Variants in DPP10 observed in about 807,000 individuals in gnomAD.
DPP10 encodes inactive dipeptidyl peptidase 10.
A neutral mutation model predicts 120.9 loss-of-function variants in DPP10; 33 were observed. The ratio of observed to expected loss-of-function variants is 0.27; its 90% CI spans 0.21 to 0.37. The LOEUF is 0.37. Among genes scored for constraint, DPP10 ranks in the 10% least tolerant of loss-of-function variants. The pLI is 1.00. For synonymous variants in DPP10, 337 were observed against 326.1 expected, an observed-to-expected ratio of 1.03 and a Z score of -0.36; for missense variants, 816 against 942.8, an observed-to-expected ratio of 0.87 and a Z score of 1.76.
At chr2:114,987,867 G>T (rs772143571) in intron 1 of DPP10, among the ~76,000 whole-genome samples, 1 of 147,418 alleles carries the variant, frequency 6.8e-6, no homozygotes, top group African/African-American at 2.5e-5. Flanking sequence ...GCAGTGGCTC[G>T]ATCTCGGCTC....
chr2:115,411,571 G>C (rs2068961335), intron 3 of DPP10, among the ~76,000 whole-genome samples: 3 of 152,262 alleles, frequency 2.0e-5, no homozygotes, highest in Middle Eastern at 3.4e-3. Context: ...TTATGAGAGA[G>C]TTTCATTACG....
rs910058438 is a variant in DPP10, at chr2:115,579,999, G to T, written c.441+54027G>T. The T allele has an allele frequency of 2.0e-5, 3 of 152,194 alleles. No homozygotes were observed. In the East Asian group the frequency reaches 5.8e-4, roughly 29 times the overall value. The allele number at this position is 152,194 out of a possible 1,614,324, so 9.4% of individuals were successfully genotyped here. A position where few individuals can be genotyped will look rare whatever the true frequency, so the allele number is the denominator to read the frequency against. ...CCACTCCACCCCCTGGCAGGCCCCA[G>T]TGTGTGTTGTTCCCTCCCTGTGTCC... On this transcript the variant is annotated intron_variant, in intron 5 of 25. Coordinates refer to ENST00000410059, the MANE Select transcript of DPP10 (RefSeq NM_020868.6).
At chr2:114,715,305 A>G (rs1434671704) in intron 1 of DPP10, among the ~76,000 whole-genome samples, 6 of 152,174 alleles carry the variant, frequency 3.9e-5, no homozygotes, top group Admixed American at 1.3e-4. Context: ...TTTCTTTTGA[A>G]TGATATATAG....
rs77339614 is a variant in DPP10, at chr2:114,622,451, T to C, written c.60+179613T>C. 1.4e-3 allele frequency among the ~76,000 whole-genome samples: 214 copies of C among 151,928 alleles called. 1 individual carries two copies. The East Asian group carries it at 0.038, about 27-fold the overall frequency. On this transcript the variant is annotated intron_variant, in intron 1 of 25. Transcript: ENST00000410059. ...TTGCATTACTTTACAATTGCCTCCATGATTGCTATATCTTGTGCAGTAATA... is the reference window on the plus strand; with the variant it reads ...TTGCATTACTTTACAATTGCCTCCACGATTGCTATATCTTGTGCAGTAATA...
At chr2:115,134,614 T>C (rs1374898888) in intron 1 of DPP10, among the ~76,000 whole-genome samples, 2 of 152,028 alleles carry the variant, frequency 1.3e-5, no homozygotes, top group Non-Finnish European at 2.9e-5. Flanking sequence ...CTCCAATAGC[T>C]CAAAGTATGA....
intron 2 of DPP10, among the ~76,000 whole-genome samples, chr2:115,313,428 A>G (rs539035827): frequency 5.3e-5 from 8 of 152,164 alleles, no homozygotes; most frequent in Non-Finnish European, 1.2e-4. Flanking sequence ...AATGATAATA[A>G]TGCCTTGTTT....
chr2:115,539,643 A>G (rs1038666970), intron 5 of DPP10, among the ~76,000 whole-genome samples: 4 of 151,962 alleles, frequency 2.6e-5, no homozygotes, highest in Non-Finnish European at 5.9e-5. Context: ...TAATATGTCA[A>G]GTTTGAAATG....
Position 114,967,522 on chromosome 2 carries a change from T to C in DPP10, c.61-341717T>C, listed in dbSNP as rs531362235. On this transcript the variant is annotated intron_variant, in intron 1 of 25. Transcript: ENST00000410059. ...GGTATATCAAGATAAGTGCATGGAATTGGGGAATGGGGGACAAGGCAGGGA... is the reference window on the plus strand; with the variant it reads ...GGTATATCAAGATAAGTGCATGGAACTGGGGAATGGGGGACAAGGCAGGGA... Among the ~76,000 whole-genome samples, 368 of 152,170 alleles carry C rather than the reference T, an allele frequency of 2.4e-3. 2 individuals carry two copies. The highest frequency in any genetic ancestry group is 2.6e-3 in the Non-Finnish European group (179 of 68,002).
At chr2:115,499,995 G>C (rs1442724910) in intron 4 of DPP10, among the ~76,000 whole-genome samples, 1 of 151,580 alleles carries the variant, frequency 6.6e-6, no homozygotes, top group Non-Finnish European at 1.5e-5. Context: ...TTCTAGTTCT[G>C]TTGTTTTCTG....
chr2:114,740,187 A>G (rs1231664039), intron 1 of DPP10, among the ~76,000 whole-genome samples: 4 of 151,696 alleles, frequency 2.6e-5, no homozygotes, highest in Non-Finnish European at 5.9e-5. Context: ...ATAAAAAATG[A>G]TGAGTTCATG....
chr2:115,207,477 C>T (rs369475535), intron 1 of DPP10, among the ~76,000 whole-genome samples: 4 of 139,174 alleles, frequency 2.9e-5, no homozygotes, highest in African/African-American at 5.5e-5. Flanking sequence ...ATTTTAAAAC[C>T]GTTTAGTCAA....
chr2:115,457,189 T>C (rs997568945), intron 3 of DPP10, among the ~76,000 whole-genome samples: 1 of 151,832 alleles, frequency 6.6e-6, no homozygotes. Flanking sequence ...TTTCAACAAA[T>C]GGTGATAGGA....
At chr2:114,681,741 T>C (rs1371895238) in intron 1 of DPP10, among the ~76,000 whole-genome samples, 1 of 152,064 alleles carries the variant, frequency 6.6e-6, no homozygotes, top group Non-Finnish European at 1.5e-5. Flanking sequence ...CGTTAGAGTT[T>C]TTAAATTGCT....
At chr2:115,492,790 C>T (rs2076192405) in intron 3 of DPP10, among the ~76,000 whole-genome samples, 3 of 151,636 alleles carry the variant, frequency 2.0e-5, no homozygotes, top group Admixed American at 2.0e-4. Context: ...CCAAAACAAA[C>T]ACATCAAAAT....
chr2:115,534,569 A>G (rs2078684961), intron 5 of DPP10, among the ~76,000 whole-genome samples: 1 of 152,084 alleles, frequency 6.6e-6, no homozygotes, highest in East Asian at 1.9e-4. Flanking sequence ...CGCAATAAAC[A>G]TACGTGTGCA....
At position 115,483,627 on chromosome 2, in the gene DPP10, A is replaced by G. The variant is rs540954696; in HGVS notation, c.272-15883A>G. Among the ~76,000 whole-genome samples the G allele has an allele frequency of 6.6e-5, 10 of 152,242 alleles. No individual in the cohort carries two copies. In the East Asian group the frequency reaches 1.9e-3, roughly 29 times the overall value. ...GGTTAATCGTGATGAGAAGTGAGGC[A>G]GGGTCACTAGTTTGAAGAAAACAAC... On this transcript the variant is annotated intron_variant, in intron 3 of 25. Transcript: ENST00000410059.
At chr2:114,536,776 T>C (rs1686539670) in intron 1 of DPP10, among the ~76,000 whole-genome samples, 2 of 152,150 alleles carry the variant, frequency 1.3e-5, no homozygotes, top group Non-Finnish European at 2.9e-5. Flanking sequence ...TCATTATTTG[T>C]TTAGATTCAT....
At chr2:115,482,444 T>C (rs1010616453) in intron 3 of DPP10, among the ~76,000 whole-genome samples, 2 of 152,012 alleles carry the variant, frequency 1.3e-5, no homozygotes, top group Non-Finnish European at 2.9e-5. Flanking sequence ...GTTTTTAGTA[T>C]ATTCATAGAA....
chr2:114,950,763 G>T (rs1307379227), intron 1 of DPP10, among the ~76,000 whole-genome samples: 3 of 152,034 alleles, frequency 2.0e-5, no homozygotes, highest in Admixed American at 2.0e-4. Context: ...CCAGAACAGG[G>T]TTTCAAACAC....
Sources: gnomAD v4.1 joint callset for allele counts (sites outside exome capture counted in the v4.1 genomes callset) on GRCh38, gnomAD v4.1.1 for gene constraint, MANE v1.5 for transcripts, NCBI Gene and HGNC (gene_info 2026-07-23, HGNC 2026-07-21) for gene names.